Variants in MCUB observed in about 807,000 individuals in gnomAD.
MCUB encodes the protein mitochondrial calcium uniporter dominant negative subunit beta.
A neutral mutation model predicts 41.4 loss-of-function variants in MCUB; 46 were observed. That is an observed-to-expected ratio of 1.11 (90% CI 0.88 to 1.42). The LOEUF (loss-of-function observed/expected upper bound fraction) is 1.42, where lower values mean the gene tolerates loss of function less well. Among genes scored for constraint, MCUB ranks in the 40% most tolerant of loss-of-function variants. The pLI is 0.00. For synonymous variants in MCUB, 148 were observed against 148.2 expected, an observed-to-expected ratio of 1.00 and a Z score of 0.01; for missense variants, 403 against 404.9, an observed-to-expected ratio of 1.00 and a Z score of 0.04.
chr4:109,586,884 G>A (rs1435846170), intron 1 of MCUB, among the ~76,000 whole-genome samples: 1 of 152,200 alleles, frequency 6.6e-6, no homozygotes, highest in African/African-American at 2.4e-5. Flanking sequence ...CCTACTGGGA[G>A]GTGTCTCCCA....
intron 1 of MCUB, among the ~76,000 whole-genome samples, chr4:109,589,926 G>A (rs1727391419): frequency 6.6e-6 from 1 of 152,160 alleles, no homozygotes; most frequent in Admixed American, 6.5e-5. Flanking sequence ...TCTTAGATAA[G>A]AATGCTAGGA....
At chr4:109,673,807 T>G in intron 4 of MCUB, 9 of 632,418 alleles carry the variant, frequency 1.4e-5, no homozygotes, top group East Asian at 2.6e-5. Context: ...GGGTGAGAGG[T>G]TTTTTCGCTC....
At chr4:109,606,939 G>A (rs1032164065) in intron 1 of MCUB, among the ~76,000 whole-genome samples, 1 of 151,882 alleles carries the variant, frequency 6.6e-6, no homozygotes, top group Admixed American at 6.6e-5. Flanking sequence ...TAGAGATGGG[G>A]TTTCACCATG....
At chr4:109,676,530 A>C (rs1432963984) in intron 4 of MCUB, among the ~76,000 whole-genome samples, 1 of 152,182 alleles carries the variant, frequency 6.6e-6, no homozygotes, top group Non-Finnish European at 1.5e-5. Context: ...TACTCTGTTC[A>C]TGACAATACA....
intron 1 of MCUB, among the ~76,000 whole-genome samples, chr4:109,655,834 C>T (rs1174970968): frequency 6.6e-6 from 1 of 152,066 alleles, no homozygotes; most frequent in East Asian, 1.9e-4. Flanking sequence ...CTTGAAACTT[C>T]AGTTTACCTC....
intron 1 of MCUB, among the ~76,000 whole-genome samples, chr4:109,640,517 T>C (rs1371553321): frequency 6.6e-6 from 1 of 152,252 alleles, no homozygotes; most frequent in Non-Finnish European, 1.5e-5. Context: ...GATAACTTGC[T>C]CCAACTTCTA....
At chr4:109,637,321 A>T (rs1430365738) in intron 1 of MCUB, among the ~76,000 whole-genome samples, 3 of 152,244 alleles carry the variant, frequency 2.0e-5, no homozygotes, top group Non-Finnish European at 4.4e-5. Flanking sequence ...AGTTTGAAAG[A>T]GGCTAGTCAC....
In MCUB at chr4:109,631,522, C is replaced by T. The variant is rs970012624; in HGVS notation, c.100-27489C>T. On this transcript the variant is annotated intron_variant, in intron 1 of 7. Transcript: ENST00000394650. ...TTAAATATATGCTTTGGACACAATA[C>T]ATGTTCGCAGGATTTTCCTTTAAAA... Among the ~76,000 whole-genome samples, 4 of 152,128 alleles carry T rather than the reference C, an allele frequency of 2.6e-5. No individual in the cohort carries two copies. The South Asian group carries it at 8.3e-4, about 31-fold the overall frequency.
At chr4:109,637,937 A>G (rs1728631164) in intron 1 of MCUB, among the ~76,000 whole-genome samples, 1 of 152,270 alleles carries the variant, frequency 6.6e-6, no homozygotes, top group South Asian at 2.1e-4. Context: ...AAATGACTGT[A>G]TATAGGCATA....
chr4:109,625,333 A>G (rs935047152), intron 1 of MCUB, among the ~76,000 whole-genome samples: 5 of 152,164 alleles, frequency 3.3e-5, no homozygotes, highest in South Asian at 4.1e-4. Context: ...TTTTAGTTCA[A>G]TGCTTCAAAC....
intron 1 of MCUB, among the ~76,000 whole-genome samples, chr4:109,598,279 T>C (rs948581306): frequency 1.4e-3 from 218 of 151,874 alleles, no homozygotes; most frequent in African/African-American, 4.4e-3. Context: ...GCCGAGATCA[T>C]GCCACTGCAC....
intron 1 of MCUB, among the ~76,000 whole-genome samples, chr4:109,656,787 A>G (rs1729113556): frequency 6.6e-6 from 1 of 152,218 alleles, no homozygotes; most frequent in African/African-American, 2.4e-5. Context: ...TAGTTTTGCT[A>G]AAAGTAGTAG....
chr4:109,669,413 GT>G (rs1729408662), intron 4 of MCUB, among the ~76,000 whole-genome samples: 1 of 151,840 alleles, frequency 6.6e-6, no homozygotes, highest in Non-Finnish European at 1.5e-5. Flanking sequence ...ATAGCTAAGG[GT>G]TCCCCCCTTC....
chr4:109,655,891 T>TA (rs1015564635), intron 1 of MCUB, among the ~76,000 whole-genome samples: 1 of 152,062 alleles, frequency 6.6e-6, no homozygotes, highest in African/African-American at 2.4e-5. Flanking sequence ...CCTTTTAGAT[T>TA]AAAAATCTCT....
intron 1 of MCUB, among the ~76,000 whole-genome samples, chr4:109,583,362 T>TGC (rs1421706488): frequency 6.6e-6 from 1 of 152,164 alleles, no homozygotes; most frequent in African/African-American, 2.4e-5. Flanking sequence ...TGGCTCTGTG[T>TGC]GTCTGTTCTT....
chr4:109,597,383 C>T (rs1175346802), intron 1 of MCUB, among the ~76,000 whole-genome samples: 147 of 132,226 alleles, frequency 1.1e-3, no homozygotes, highest in South Asian at 2.5e-3. Context: ...ACCTCCCTCC[C>T]GGACGGGGCG....
intron 1 of MCUB, among the ~76,000 whole-genome samples, chr4:109,629,090 A>G (rs1728421615): frequency 6.6e-6 from 1 of 152,188 alleles, no homozygotes; most frequent in Non-Finnish European, 1.5e-5. Flanking sequence ...CCCTAAATTA[A>G]AATTGAGTCA....
At chr4:109,664,424 T>A in intron 4 of MCUB, 30 bp downstream of exon 4, 2 of 563,270 alleles carry the variant, frequency 3.6e-6, no homozygotes, top group Non-Finnish European at 5.9e-6. Flanking sequence ...AACTATTACT[T>A]TTTTTTTTTT....
At chr4:109,599,019 G>A (rs1727663788) in intron 1 of MCUB, among the ~76,000 whole-genome samples, 1 of 152,174 alleles carries the variant, frequency 6.6e-6, no homozygotes, top group Admixed American at 6.5e-5. Context: ...AGTGTTGAAT[G>A]TCCTTGACAT....
Sources: gnomAD v4.1 joint callset for allele counts (sites outside exome capture counted in the v4.1 genomes callset) on GRCh38, gnomAD v4.1.1 for gene constraint, MANE v1.5 for transcripts, NCBI Gene and HGNC (gene_info 2026-07-23, HGNC 2026-07-21) for gene names.